ATG10: variants seen among roughly 807,000 people sequenced by gnomAD.
ATG10 encodes autophagy related 10, also known as ubiquitin-like-conjugating enzyme ATG10.
Under a neutral mutation model 32.1 loss-of-function variants are expected in ATG10, and 30 were observed. That is an observed-to-expected ratio of 0.94 (90% CI 0.70 to 1.27). ATG10 has a LOEUF of 1.27. Among genes scored for constraint, ATG10 ranks in the 50% most tolerant of loss-of-function variants. The pLI, the probability that ATG10 is intolerant of heterozygous loss-of-function variation, is 0.00. For synonymous variants in ATG10, 87 were observed against 91.5 expected (o/e 0.95, Z 0.28); for missense variants, 233 against 262.3 (o/e 0.89, Z 0.77).
intron 5 of ATG10, among the ~76,000 whole-genome samples, chr5:82,218,481 C>T (rs1354244945): frequency 3.9e-5 from 6 of 152,190 alleles, no homozygotes; most frequent in African/African-American, 1.2e-4. Context: ...GGTACAGCAG[C>T]CAGGCGGGAG....
intron 5 of ATG10, among the ~76,000 whole-genome samples, chr5:82,211,986 C>A (rs1050700115): frequency 3.3e-5 from 5 of 152,204 alleles, no homozygotes; most frequent in Non-Finnish European, 7.3e-5. Context: ...AATCACACAA[C>A]CCCCTTGTCA....
At chr5:82,029,404 T>G (rs956219194) in intron 2 of ATG10, among the ~76,000 whole-genome samples, 4 of 152,228 alleles carry the variant, frequency 2.6e-5, no homozygotes, top group Non-Finnish European at 5.9e-5. Flanking sequence ...TATTCAAATA[T>G]GAATTTCTAT....
At chr5:82,014,401 G>A (rs200967485) in intron 2 of ATG10, among the ~76,000 whole-genome samples, 1 of 152,034 alleles carries the variant, frequency 6.6e-6, no homozygotes, top group Admixed American at 6.6e-5. Flanking sequence ...TTTCTGTCTC[G>A]TTGATCTGTC....
At chr5:82,216,102 A>G (rs143869358) in intron 5 of ATG10, among the ~76,000 whole-genome samples, 41 of 152,336 alleles carry the variant, frequency 2.7e-4, no homozygotes, top group Admixed American at 1.3e-3. Flanking sequence ...GCCTTTCTGC[A>G]GAAAGATCCT....
chr5:81,986,276 A>G (rs1561240049), intron 1 of ATG10, among the ~76,000 whole-genome samples: 2 of 152,324 alleles, frequency 1.3e-5, no homozygotes, highest in East Asian at 3.9e-4. Context: ...AGGTTTGTGA[A>G]CACACAGTTA....
chr5:82,021,407 T>C (rs1762430739), intron 2 of ATG10, among the ~76,000 whole-genome samples: 2 of 152,186 alleles, frequency 1.3e-5, no homozygotes, highest in East Asian at 1.9e-4. Context: ...GTCCCTGATA[T>C]AAAATGGTTT....
At chr5:82,146,852 A>C (rs1018608567) in intron 3 of ATG10, among the ~76,000 whole-genome samples, 5 of 152,138 alleles carry the variant, frequency 3.3e-5, no homozygotes, top group African/African-American at 1.2e-4. Flanking sequence ...TACTTATAAT[A>C]GCTGTTTTGA....
At chr5:82,155,840 A>G (rs1209114776) in intron 3 of ATG10, among the ~76,000 whole-genome samples, 1 of 152,124 alleles carries the variant, frequency 6.6e-6, no homozygotes, top group Non-Finnish European at 1.5e-5. Flanking sequence ...TGGTGGTTAC[A>G]TGTGTGGTGC....
At chr5:82,055,038 G>A (rs1451027887) in intron 2 of ATG10, among the ~76,000 whole-genome samples, 35 of 152,084 alleles carry the variant, frequency 2.3e-4, no homozygotes, top group East Asian at 1.7e-3. Flanking sequence ...GGGCTGACAA[G>A]AGTGGTGGTT....
At chr5:82,051,713 A>C (rs1763432341) in intron 2 of ATG10, among the ~76,000 whole-genome samples, 1 of 152,254 alleles carries the variant, frequency 6.6e-6, no homozygotes, top group South Asian at 2.1e-4. Context: ...GATTGGGTGG[A>C]TATTTGGGGT....
At chr5:82,197,719 T>TA (rs1318261590) in intron 5 of ATG10, among the ~76,000 whole-genome samples, 156 of 142,984 alleles carry the variant, frequency 1.1e-3, no homozygotes, top group Middle Eastern at 6.9e-3. Context: ...TCTTTCTTTC[T>TA]TTCTATCTAT....
At chr5:82,251,072 G>A (rs912603278) in intron 5 of ATG10, among the ~76,000 whole-genome samples, 1 of 152,198 alleles carries the variant, frequency 6.6e-6, no homozygotes, top group African/African-American at 2.4e-5. Flanking sequence ...ACAAATGCCA[G>A]GTGGTGCTAA....
At chr5:82,176,895 A>G (rs1230847923) in intron 4 of ATG10, among the ~76,000 whole-genome samples, 1 of 152,212 alleles carries the variant, frequency 6.6e-6, no homozygotes, top group Non-Finnish European at 1.5e-5. Flanking sequence ...AATGTATCAA[A>G]ATATTCTATT....
intron 2 of ATG10, among the ~76,000 whole-genome samples, chr5:81,999,143 C>CAAAAAAAAAA (rs370637760): frequency 8.6e-6 from 1 of 116,542 alleles, no homozygotes. Context: ...AATCCTCAGC[C>CAAAAAAAAAA]AAAAAAAAAA....
intron 5 of ATG10, chr5:82,242,710 C>A: frequency 6.3e-6 from 2 of 318,420 alleles, no homozygotes; most frequent in East Asian, 9.2e-5. Context: ...TCATTGTAAC[C>A]TAGAATTTTA....
chr5:82,130,867 T>C (rs1766490810), intron 3 of ATG10, among the ~76,000 whole-genome samples: 1 of 152,110 alleles, frequency 6.6e-6, no homozygotes, highest in South Asian at 2.1e-4. Flanking sequence ...TCTATAAACA[T>C]AGGAAAAGTT....
At chr5:82,211,564 C>T (rs1352878556) in intron 5 of ATG10, among the ~76,000 whole-genome samples, 3 of 152,138 alleles carry the variant, frequency 2.0e-5, no homozygotes, top group Non-Finnish European at 4.4e-5. Context: ...TAGCTATTGT[C>T]GTCAACTGAA....
At chr5:82,088,764 G>T (rs951393777) in intron 3 of ATG10, among the ~76,000 whole-genome samples, 4 of 152,204 alleles carry the variant, frequency 2.6e-5, no homozygotes, top group Admixed American at 2.6e-4. Context: ...TGTGGGGTAA[G>T]CTTTCTTCTC....
chr5:82,199,060 T>C (rs1440917904), intron 5 of ATG10, among the ~76,000 whole-genome samples: 4 of 152,220 alleles, frequency 2.6e-5, no homozygotes, highest in Non-Finnish European at 5.9e-5. Flanking sequence ...AAAATGCTCA[T>C]ATTTATTTCT....
Sources: allele counts gnomAD v4.1 joint callset (sites outside exome capture counted in the v4.1 genomes callset), GRCh38; gene constraint gnomAD v4.1.1; transcripts MANE v1.5; gene names NCBI Gene and HGNC (gene_info 2026-07-23, HGNC 2026-07-21).